The following NBPF15 variants were observed in gnomAD, a reference collection of about 807,000 sequenced individuals.
NBPF15 encodes the protein NBPF family member NBPF15.
In NBPF15, 74 loss-of-function variants were observed where a neutral mutation model predicts 62.2. The observed-to-expected ratio is 1.19, with a 90% CI of 0.99 to 1.44. The LOEUF (loss-of-function observed/expected upper bound fraction) is 1.44. NBPF15 is among the 40% of genes most tolerant of loss of function. The pLI is 0.00. For synonymous variants in NBPF15, 244 were observed against 209.7 expected (o/e 1.16, Z -1.41); for missense variants, 790 against 550.0 (o/e 1.44, Z -4.36).
In NBPF15 at chr1:144,435,437, C is replaced by T. The variant is rs1294058602; in HGVS notation, c.567-121G>A. On this transcript the variant is annotated intron_variant, in intron 11 of 21. Coordinates refer to ENST00000581897, the MANE Select transcript of NBPF15 (RefSeq NM_001385408.1). Reference sequence around the variant, plus strand: ...GAGTGGTCCCAGAAAGCAAAATGGACGTTCCCATTAAGAGGGAACATGCAA... The same window carrying T: ...GAGTGGTCCCAGAAAGCAAAATGGATGTTCCCATTAAGAGGGAACATGCAA... The T allele has an allele frequency of 2.3e-4, 345 of 1,477,432 alleles. 3 individuals are homozygous for T. The highest frequency in any genetic ancestry group is 3.9e-4 in the East Asian group (17 of 43,906). 91.5% of individuals were successfully genotyped at this position (1,477,432 alleles called of 1,614,324 possible).
rs1480666548 is a variant in NBPF15, at chr1:144,461,582, C to A, written c.-1139G>T. On this transcript the variant is annotated 5_prime_UTR_variant, in exon 1 of 22. Coordinates refer to ENST00000581897, the MANE Select transcript of NBPF15 (RefSeq NM_001385408.1). Reference sequence around the variant, plus strand: ...CCTCGCGACCCTCACCTACCCCTCCCGATACCGCCGCTGTCTCAACCGCCG... The same window carrying A: ...CCTCGCGACCCTCACCTACCCCTCCAGATACCGCCGCTGTCTCAACCGCCG... 1 of 153,058 alleles carries A rather than the reference C, an allele frequency of 6.5e-6. No homozygotes were observed. Among genetic ancestry groups the A allele is most frequent in the Non-Finnish European group, 1.5e-5 (1 of 68,760 alleles). 9.5% of individuals were successfully genotyped at this position (153,058 alleles called of 1,614,324 possible).
chr1:144,431,568 G>C, intron 13 of NBPF15, among the ~76,000 whole-genome samples: 1 of 145,940 alleles, frequency 6.9e-6, no homozygotes, highest in African/African-American at 2.5e-5. Context: ...ATGTATACAT[G>C]TCCACATTGG....
intron 6 of NBPF15, among the ~76,000 whole-genome samples, chr1:144,444,370 C>G (rs1163009714): frequency 2.6e-5 from 4 of 151,048 alleles, no homozygotes; most frequent in African/African-American, 9.8e-5. Context: ...TAAAGCATGA[C>G]GAAATAACGA....
chr1:144,448,149 G>A (rs1553544692), intron 6 of NBPF15, among the ~76,000 whole-genome samples: 1 of 151,948 alleles, frequency 6.6e-6, no homozygotes, highest in Admixed American at 6.6e-5. Flanking sequence ...ATGAATTGTG[G>A]GCACAGAAGG....
intron 4 of NBPF15, among the ~76,000 whole-genome samples, chr1:144,453,699 G>A (rs587604289): frequency 0.013 from 1,328 of 103,836 alleles, 14 homozygotes; most frequent in Non-Finnish European, 0.017. Flanking sequence ...AAGATATACA[G>A]ATGGCAAATA....
At chr1:144,437,329 C>T (rs1679249803) in intron 9 of NBPF15, among the ~76,000 whole-genome samples, 1 of 151,518 alleles carries the variant, frequency 6.6e-6, no homozygotes, top group Non-Finnish European at 1.5e-5. Context: ...CGATGATGTT[C>T]CATTCATCTT....
intron 17 of NBPF15, 83 bp downstream of exon 17, chr1:144,426,964 A>C: frequency 1.5e-6 from 1 of 685,994 alleles, no homozygotes; most frequent in Non-Finnish European, 2.6e-6. Context: ...AAAACATGAA[A>C]TTGAACACAC....
intron 3 of NBPF15, among the ~76,000 whole-genome samples, chr1:144,458,232 T>G (rs200733202): frequency 1.3e-5 from 2 of 152,030 alleles, no homozygotes; most frequent in Non-Finnish European, 2.9e-5. Context: ...TAAGTATACC[T>G]AAGAACAATG....
At chr1:144,437,403 C>A (rs1314360514) in intron 9 of NBPF15, among the ~76,000 whole-genome samples, 1 of 147,848 alleles carries the variant, frequency 6.8e-6, no homozygotes, top group Non-Finnish European at 1.5e-5. Flanking sequence ...CCTTTCAGTT[C>A]CTCACTCTGG....
At chr1:144,430,958 G>C (rs1169560392) in intron 13 of NBPF15, among the ~76,000 whole-genome samples, 2 of 152,020 alleles carry the variant, frequency 1.3e-5, no homozygotes, top group South Asian at 2.1e-4. Context: ...ATTCGATCAA[G>C]TGCAAGAAAT....
In NBPF15 at chr1:144,423,040, G is replaced by T; in HGVS notation, c.1986C>A (p.Phe662Leu). Residue 662 changes from phenylalanine to leucine, a missense_variant, in exon 22 of 22, where the codon TTC becomes TTA. Coordinates refer to ENST00000581897, the MANE Select transcript of NBPF15 (RefSeq NM_001385408.1). The stretch of plus-strand genomic sequence containing the variant: ...ATTGTGGGAATATGACTCCCATCTG[G>T]AACACCAGGTGGAGACTTGTCACCG... ...TLTVTSLHLV[F>L]QMGVIFPQ is the part of the protein sequence containing the mutation. 2 of 1,611,616 alleles carry T rather than the reference G, an allele frequency of 1.2e-6. No individual in the cohort carries two copies. The highest frequency in any genetic ancestry group is 2.2e-5 in the East Asian group (1 of 44,858).
intron 2 of NBPF15, among the ~76,000 whole-genome samples, 151 bp from the exon 3 acceptor site, chr1:144,459,634 A>G (rs1553547887): frequency 1.3e-5 from 2 of 151,960 alleles, no homozygotes; most frequent in Non-Finnish European, 2.9e-5. Flanking sequence ...AAGTATTACA[A>G]ATCAACAGAA....
Position 144,450,766 on chromosome 1 carries a change from C to T in NBPF15, c.-333+6G>A, listed in dbSNP as rs1690573647. The T allele has an allele frequency of 1.5e-6, 1 of 682,212 alleles. No individual in the cohort carries two copies. Among genetic ancestry groups the T allele is most frequent in the African/African-American group, 2.0e-5 (1 of 49,942 alleles). The allele number at this position is 682,212 out of a possible 1,614,324, so 42.3% of individuals were successfully genotyped here. On this transcript the variant is annotated splice_donor_region_variant and intron_variant, in intron 5 of 21. Coordinates refer to ENST00000581897, the MANE Select transcript of NBPF15 (RefSeq NM_001385408.1). ...GAAAGAACTACAGTAAAAATATTGC[C>T]CTCACCTTTATGTGGCTGTTCCAGA...
chr1:144,426,933 G>A (rs1670170182), intron 17 of NBPF15, 114 bp downstream of exon 17: 3 of 605,964 alleles, frequency 5.0e-6, no homozygotes, highest in African/African-American at 1.9e-5. Flanking sequence ...AATGTCAGGA[G>A]GAGTAATTCA....
At chr1:144,455,568 A>C (rs1328201790) in intron 4 of NBPF15, among the ~76,000 whole-genome samples, 1 of 151,956 alleles carries the variant, frequency 6.6e-6, no homozygotes, top group East Asian at 1.9e-4. Context: ...ATCCCAGAAC[A>C]CCAGGCCGCA....
chr1:144,456,068 AC>A (rs1647416542), intron 4 of NBPF15, among the ~76,000 whole-genome samples: 3 of 151,874 alleles, frequency 2.0e-5, no homozygotes, highest in Admixed American at 2.0e-4. Context: ...TCTAGAGGGC[AC>A]TGCCTAAAAC....
rs1223733118 is a variant in NBPF15, at chr1:144,436,149, A to G, written c.494-296T>C. ...CTGGACATTGGCAGCTGTCTCCCCC[A>G]TCCTGCCAGATCTGATTCCCAGGCA... On this transcript the variant is annotated intron_variant, in intron 10 of 21. Transcript: ENST00000581897. Among the ~76,000 whole-genome samples the G allele has an allele frequency of 1.6e-4, 24 of 152,108 alleles. 1 individual carries two copies. Among genetic ancestry groups the G allele is most frequent in the African/African-American group, 4.6e-4 (19 of 41,500 alleles).
At chr1:144,453,558 G>T (rs587671636) in intron 4 of NBPF15, among the ~76,000 whole-genome samples, 1 of 122,786 alleles carries the variant, frequency 8.1e-6, no homozygotes, top group Non-Finnish European at 1.7e-5. Context: ...CAGACTGGTA[G>T]AAAATATTTA....
chr1:144,422,953 C>A lies in NBPF15; in HGVS notation c.*60G>T, dbSNP rs1315335401. On this transcript the variant is annotated 3_prime_UTR_variant, in exon 22 of 22. Transcript: ENST00000581897. ...AATGGAACTGTACTTTCATTCAAAT[C>A]TTCTCGTGCCTATAGGTCCTGCCTG... is the stretch of plus-strand genomic sequence containing the variant. 15 of 1,611,474 alleles carry A rather than the reference C, an allele frequency of 9.3e-6. No individual in the cohort carries two copies. The Admixed American group carries it at 2.0e-4, about 22-fold the overall frequency.
Sources: gnomAD v4.1 joint callset for allele counts (sites outside exome capture counted in the v4.1 genomes callset) on GRCh38, gnomAD v4.1.1 for gene constraint, MANE v1.5 for transcripts, NCBI Gene and HGNC (gene_info 2026-07-23, HGNC 2026-07-21) for gene names.